The following TERF1 variants were observed in gnomAD, a reference collection of about 807,000 sequenced individuals.
TERF1 encodes the protein telomeric repeat-binding factor 1.
TERF1 carries 20 observed loss-of-function variants against 55.1 expected under a neutral mutation model. The ratio of observed to expected loss-of-function variants is 0.36; its 90% CI spans 0.26 to 0.53. TERF1 has a LOEUF of 0.53. Among genes scored for constraint, TERF1 ranks in the 20% least tolerant of loss-of-function variants. TERF1 has a pLI of 0.91. For synonymous variants in TERF1, 168 were observed against 181.2 expected, an observed-to-expected ratio of 0.93 and a Z score of 0.59; for missense variants, 439 against 535.7, an observed-to-expected ratio of 0.82 and a Z score of 1.78.
intron 2 of TERF1, among the ~76,000 whole-genome samples, chr8:73,019,589 T>C (rs1166450493): frequency 6.6e-6 from 1 of 152,190 alleles, no homozygotes; most frequent in Non-Finnish European, 1.5e-5. Flanking sequence ...TGGAAGGCTG[T>C]GGTGTCATCA....
At position 73,039,364 on chromosome 8, in the gene TERF1, A is replaced by G. The variant is rs1224189908; in HGVS notation, c.1143+145A>G. The G allele has an allele frequency of 4.7e-5, 27 of 570,764 alleles. No homozygotes were observed. In the Middle Eastern group the frequency reaches 8.2e-4, roughly 17 times the overall value. The allele number at this position is 570,764 out of a possible 1,614,324, so 35.4% of individuals were successfully genotyped here. The stretch of plus-strand genomic sequence containing the variant: ...CATCTTTTATTTTGCCGTCTTAGAT[A>G]GGTGACTAATCAGCCTATTCAAAAT... On this transcript the variant is annotated intron_variant, in intron 9 of 9. Transcript: ENST00000276603.
At chr8:73,038,645 CTT>C (rs954476428) in intron 8 of TERF1, 1 of 375,322 alleles carries the variant, frequency 2.7e-6, no homozygotes, top group Non-Finnish European at 3.7e-6. Flanking sequence ...TGTAGATTCT[CTT>C]AGGTTTTCTG....
chr8:73,036,545 T>C (rs981389195), intron 8 of TERF1, among the ~76,000 whole-genome samples: 2 of 152,142 alleles, frequency 1.3e-5, no homozygotes, highest in Non-Finnish European at 2.9e-5. Flanking sequence ...CATGTTTTTA[T>C]ATATACAGTC....
intron 9 of TERF1, among the ~76,000 whole-genome samples, chr8:73,041,543 G>A (rs1317233895): frequency 6.6e-6 from 1 of 152,196 alleles, no homozygotes; most frequent in Non-Finnish European, 1.5e-5. Flanking sequence ...ATGAAGGCTA[G>A]AGAGGGGTGG....
chr8:73,013,929 C>T lies in TERF1; in HGVS notation c.354C>T (p.Cys118=). 2 of 1,610,712 alleles carry T rather than the reference C, an allele frequency of 1.2e-6. No homozygotes were observed. The highest frequency in any genetic ancestry group is 8.5e-7 in the Non-Finnish European group (1 of 1,179,120). ...IIHGLSSLTA[C]QLRTIYICQF... ...ATGGACTATCCAGTCTAACAGCTTGCCAGTTGAGAACGATATACATATGTC... is the reference window on the plus strand; with the variant it reads ...ATGGACTATCCAGTCTAACAGCTTGTCAGTTGAGAACGATATACATATGTC... The change falls in exon 2 of 10, where the codon TGC becomes TGT. Residue 118 remains cysteine, a synonymous_variant. Coordinates refer to ENST00000276603, the MANE Select transcript of TERF1 (RefSeq NM_017489.3).
At chr8:73,021,641 T>C (rs1228462017) in intron 3 of TERF1, among the ~76,000 whole-genome samples, 1 of 152,170 alleles carries the variant, frequency 6.6e-6, no homozygotes, top group Admixed American at 6.5e-5. Context: ...ATTTTACATA[T>C]AAGGTAACTG....
chr8:73,016,575 G>A (rs1371333822), intron 2 of TERF1, among the ~76,000 whole-genome samples: 2 of 151,898 alleles, frequency 1.3e-5, no homozygotes, highest in African/African-American at 4.8e-5. Flanking sequence ...TAGGACTACA[G>A]GTGCACCATC....
chr8:73,013,205 G>T (rs1015234387), intron 1 of TERF1, among the ~76,000 whole-genome samples: 1 of 152,120 alleles, frequency 6.6e-6, no homozygotes, highest in Non-Finnish European at 1.5e-5. Context: ...GCACCTTCAG[G>T]TCTTAGGTTA....
intron 9 of TERF1, 61 bp downstream of exon 9, chr8:73,039,280 T>C (rs1809734975): frequency 1.6e-6 from 2 of 1,215,938 alleles, no homozygotes; most frequent in Non-Finnish European, 2.3e-6. Context: ...ACTTGAATAA[T>C]TGTGATTATT....
At chr8:73,015,667 C>T (rs1226365480) in intron 2 of TERF1, among the ~76,000 whole-genome samples, 1 of 147,762 alleles carries the variant, frequency 6.8e-6, no homozygotes, top group Non-Finnish European at 1.5e-5. Flanking sequence ...GAAACCCCGT[C>T]TCTACTAAAA....
intron 4 of TERF1, among the ~76,000 whole-genome samples, chr8:73,023,583 A>G (rs1226798019): frequency 6.6e-6 from 1 of 152,156 alleles, no homozygotes; most frequent in African/African-American, 2.4e-5. Flanking sequence ...TCTACCCTTA[A>G]TATTTTCTCC....
At chr8:73,030,486 TAC>T in intron 7 of TERF1, 91 bp downstream of exon 7, 3 of 790,378 alleles carry the variant, frequency 3.8e-6, no homozygotes, top group Non-Finnish European at 5.6e-6. Flanking sequence ...ACATAAATGG[TAC>T]AATTGAAAGA....
At chr8:73,014,510 G>A (rs973232704) in intron 2 of TERF1, among the ~76,000 whole-genome samples, 1 of 152,130 alleles carries the variant, frequency 6.6e-6, no homozygotes, top group African/African-American at 2.4e-5. Flanking sequence ...ACAGTTTATA[G>A]CTGTAATCTC....
chr8:73,040,357 C>T (rs866831979), intron 9 of TERF1, among the ~76,000 whole-genome samples: 1 of 152,086 alleles, frequency 6.6e-6, no homozygotes, highest in Non-Finnish European at 1.5e-5. Context: ...TTTCATACAC[C>T]TAAGTTGCAC....
chr8:73,025,213 CTT>C (rs1437813496), intron 5 of TERF1, among the ~76,000 whole-genome samples: 1 of 152,012 alleles, frequency 6.6e-6, no homozygotes, highest in African/African-American at 2.4e-5. Context: ...GAAGGGAAAA[CTT>C]AGAATGAATT....
chr8:73,047,101 T>A lies in TERF1; in HGVS notation c.*964T>A, dbSNP rs1810069574. 1 of 152,268 alleles carries A rather than the reference T, an allele frequency of 6.6e-6. No homozygotes were observed. Among genetic ancestry groups the A allele is most frequent in the Middle Eastern group, 3.4e-3 (1 of 294 alleles). The allele number at this position is 152,268 out of a possible 1,614,324, so 9.4% of individuals were successfully genotyped here. A position where few individuals can be genotyped will look rare whatever the true frequency, so the allele number is the denominator to read the frequency against. ...TGTGCTCACTACCTGGGTGACAGGA[T>A]CATACGTACCCCAAACCTCAACATC... On this transcript the variant is annotated 3_prime_UTR_variant, in exon 10 of 10. Transcript: ENST00000276603.
rs1586019322 is a variant in TERF1 at position 73,008,867 on chromosome 8, A to C, written c.-20A>C. On this transcript the variant is annotated 5_prime_UTR_variant, in exon 1 of 10. Coordinates refer to ENST00000276603, the MANE Select transcript of TERF1 (RefSeq NM_017489.3). ...GTTGCTCGGCGCCTGAAGGGGCAGT[A>C]CCCAAGCGAGCCATTTAACATGGCG... 2 of 1,588,138 alleles carry C rather than the reference A, an allele frequency of 1.3e-6. No individual in the cohort carries two copies. Among genetic ancestry groups the C allele is most frequent in the Non-Finnish European group, 1.7e-6 (2 of 1,168,376 alleles).
At chr8:73,037,604 A>C (rs1447953253) in intron 8 of TERF1, among the ~76,000 whole-genome samples, 6 of 106,794 alleles carry the variant, frequency 5.6e-5, no homozygotes, top group African/African-American at 2.3e-4. Context: ...ACATATCATA[A>C]ATTTATTATA....
chr8:73,009,181 C>T lies in TERF1; in HGVS notation c.295C>T (p.Arg99Cys). 2 of 1,610,656 alleles carry T rather than the reference C, an allele frequency of 1.2e-6. No homozygotes were observed. Among genetic ancestry groups the T allele is most frequent in the Non-Finnish European group, 1.7e-6 (2 of 1,179,832 alleles). Reference protein sequence around the residue: ...AFRDGRSEDFRRTRNSAEAII... With the variant: ...AFRDGRSEDFCRTRNSAEAII... ...CCGCGACGGCCGCTCCGAGGACTTC[C>T]GCAGGACCCGCAACAGCGCAGAGGG... Residue 99 changes from arginine to cysteine, a missense_variant, in exon 1 of 10, where the codon CGC (arginine) becomes TGC (cysteine). By Grantham distance (180) the Arg-to-Cys change is radical (BLOSUM62 -3). Coordinates refer to ENST00000276603, the MANE Select transcript of TERF1 (RefSeq NM_017489.3).
Sources: gnomAD v4.1 joint callset for allele counts (sites outside exome capture counted in the v4.1 genomes callset) on GRCh38, gnomAD v4.1.1 for gene constraint, MANE v1.5 for transcripts, NCBI Gene and HGNC (gene_info 2026-07-23, HGNC 2026-07-21) for gene names.